The following NFAM1 variants were observed in gnomAD, a reference collection of about 807,000 sequenced individuals.
NFAM1 encodes NFAT activating protein with ITAM motif 1.
In NFAM1, 17 loss-of-function variants were observed where a neutral mutation model predicts 29.0. The ratio of observed to expected loss-of-function variants is 0.59; its 90% confidence interval spans 0.40 to 0.88. The LOEUF (loss-of-function observed/expected upper bound fraction) is 0.88, where lower values mean the gene tolerates loss of function less well. NFAM1 is among the 40% of genes least tolerant of loss of function. NFAM1 has a pLI of 0.00. For missense variants in NFAM1, 324 were observed against 344.6 expected (o/e 0.94, Z 0.47); for synonymous variants, 175 against 147.2 (o/e 1.19, Z -1.36).
At chr22:42,428,201 C>T (rs903286865) in intron 1 of NFAM1, among the ~76,000 whole-genome samples, 1 of 152,178 alleles carries the variant, frequency 6.6e-6, no homozygotes, top group Non-Finnish European at 1.5e-5. Flanking sequence ...CTGGCCCTGC[C>T]TTTTGGGCTC....
upstream of NFAM1, among the ~76,000 whole-genome samples, chr22:42,434,592 C>A (rs922341803): frequency 6.6e-6 from 1 of 152,188 alleles, no homozygotes; most frequent in African/African-American, 2.4e-5. Context: ...TGATCCTCCT[C>A]GGGAGCCAGG....
chr22:42,416,412 G>A (rs147332230), intron 1 of NFAM1, among the ~76,000 whole-genome samples: 10 of 152,332 alleles, frequency 6.6e-5, no homozygotes, highest in African/African-American at 2.2e-4. Context: ...TGAGGAAGAA[G>A]AGCCAGCACC....
In NFAM1 at chr22:42,419,052, G is replaced by A; in HGVS notation, c.122-7316C>T. 6.6e-6 allele frequency among the ~76,000 whole-genome samples: 1 copy of A among 152,188 alleles called. No individual in the cohort carries two copies. Among genetic ancestry groups the A allele is most frequent in the Non-Finnish European group, 1.5e-5 (1 of 68,034 alleles). On this transcript the variant is annotated intron_variant, in intron 1 of 5. Transcript: ENST00000329021. The surrounding 1 kb of genome is among the most constrained non-coding windows in gnomAD (Gnocchi z 4.5). Reference sequence around the variant, plus strand: ...GGCTGCTTGAACTTGGAGTTTGAGAGCTGGGCGGAGTTGCTATCCTCCCAC... The same window carrying A: ...GGCTGCTTGAACTTGGAGTTTGAGAACTGGGCGGAGTTGCTATCCTCCCAC...
At chr22:42,424,848 A>G (rs992058515) in intron 1 of NFAM1, among the ~76,000 whole-genome samples, 8 of 151,912 alleles carry the variant, frequency 5.3e-5, no homozygotes, top group African/African-American at 1.7e-4. Flanking sequence ...TGACATGATC[A>G]TCTTCCTTCC....
intron 4 of NFAM1, among the ~76,000 whole-genome samples, chr22:42,394,911 A>T (rs1385017800): frequency 6.6e-5 from 10 of 152,036 alleles, no homozygotes; most frequent in Admixed American, 6.6e-4. Context: ...TGAGCCCAGG[A>T]ACTCAAAACC....
intron 4 of NFAM1, among the ~76,000 whole-genome samples, chr22:42,395,894 A>G (rs1929507538): frequency 1.3e-5 from 2 of 149,226 alleles, no homozygotes; most frequent in East Asian, 1.9e-4. Flanking sequence ...AAAAAAAAAA[A>G]AAAGAAAGAA....
chr22:42,407,718 A>G (rs954283066), intron 3 of NFAM1, among the ~76,000 whole-genome samples: 2 of 152,168 alleles, frequency 1.3e-5, no homozygotes, highest in Middle Eastern at 3.4e-3. Context: ...CCTTCCAAGT[A>G]GCCCAGGACC....
rs181882582 is a variant in NFAM1 at position 42,395,743 on chromosome 22, C to T, written c.663+2115G>A. On this transcript the variant is annotated intron_variant, in intron 4 of 5. Coordinates refer to ENST00000329021, the MANE Select transcript of NFAM1 (RefSeq NM_145912.8). The stretch of plus-strand genomic sequence containing the variant: ...TAAAAATACAAAAAAATTAGCCGGG[C>T]GCAGTGGCGGGCACCTGTAGTCCCA... Among the ~76,000 whole-genome samples the T allele has an allele frequency of 2.6e-4, 40 of 151,180 alleles. No individual in the cohort carries two copies. The South Asian group carries it at 7.5e-3, about 28-fold the overall frequency.
rs1176729792 is a variant in NFAM1, at chr22:42,388,532, T to C, written c.664-1454A>G. On this transcript the variant is annotated intron_variant, in intron 4 of 5. Transcript: ENST00000329021. This position sits in a 1 kb window ranked among gnomAD's most constrained non-coding sequence, Gnocchi z 4.1. ...CTTTCCTTCCTGAGTGTACGTGTCATATGGATGCCGGCTGGTTGCCAAGGA... is the reference window on the plus strand; with the variant it reads ...CTTTCCTTCCTGAGTGTACGTGTCACATGGATGCCGGCTGGTTGCCAAGGA... Among the ~76,000 whole-genome samples, 6 of 151,962 alleles carry C rather than the reference T, an allele frequency of 3.9e-5. No individual in the cohort carries two copies. The highest frequency in any genetic ancestry group is 3.9e-4 in the Admixed American group (6 of 15,266).
chr22:42,437,907 TA>T, the NFAM1 span: 81 of 152,490 alleles, frequency 5.3e-4, 1 homozygote, highest in African/African-American at 1.8e-3. Flanking sequence ...CTTGCCTCTT[TA>T]AATCCCTTCC....
chr22:42,411,014 CTTTTCTTTT>C (rs1479951725), intron 2 of NFAM1, among the ~76,000 whole-genome samples: 5 of 122,096 alleles, frequency 4.1e-5, no homozygotes, highest in Admixed American at 3.2e-4. Context: ...TATTTCTTTT[CTTTTCTTTT>C]TTTTTTTTTT....
intron 4 of NFAM1, among the ~76,000 whole-genome samples, chr22:42,392,931 C>T (rs1010441824): frequency 3.3e-5 from 5 of 152,038 alleles, no homozygotes; most frequent in African/African-American, 1.2e-4. Flanking sequence ...TCCCAAGCAG[C>T]TGAGGCAACA....
At chr22:42,404,253 T>C (rs1355868878) in intron 3 of NFAM1, among the ~76,000 whole-genome samples, 1 of 152,112 alleles carries the variant, frequency 6.6e-6, no homozygotes, top group Non-Finnish European at 1.5e-5. Flanking sequence ...CTCTTTGTCC[T>C]CACTGTCCCC....
At chr22:42,420,040 TTGCTCTTG>T (rs1930395754) in intron 1 of NFAM1, among the ~76,000 whole-genome samples, 1 of 136,684 alleles carries the variant, frequency 7.3e-6, no homozygotes, top group Non-Finnish European at 1.6e-5. Context: ...AGGCAGAATT[TTGCTCTTG>T]TACCCAGGCT....
Position 42,390,804 on chromosome 22 carries a change from G to T in NFAM1, c.664-3726C>A, listed in dbSNP as rs944643182. Among the ~76,000 whole-genome samples, 6 of 125,084 alleles carry T rather than the reference G, an allele frequency of 4.8e-5. No individual in the cohort carries two copies. In the South Asian group the frequency reaches 8.3e-4, roughly 17 times the overall value. The allele number at this position is 125,084 out of a possible 152,430, so 82.1% of individuals were successfully genotyped here. A position where few individuals can be genotyped will look rare whatever the true frequency, so the allele number is the denominator to read the frequency against. On this transcript the variant is annotated intron_variant, in intron 4 of 5. Coordinates refer to ENST00000329021, the MANE Select transcript of NFAM1 (RefSeq NM_145912.8). ...TGCACTCAAGCCTGGGCAACAGAGT[G>T]AGACTCCGTCTCAAAAAAAAAAAAA...
intron 3 of NFAM1, among the ~76,000 whole-genome samples, chr22:42,402,793 C>T (rs1929766033): frequency 6.7e-6 from 1 of 149,470 alleles, no homozygotes; most frequent in Non-Finnish European, 1.5e-5. Flanking sequence ...TCCTGGTACT[C>T]AAAGCGCCTC....
At chr22:42,428,401 T>C (rs996344185) in intron 1 of NFAM1, among the ~76,000 whole-genome samples, 1 of 151,878 alleles carries the variant, frequency 6.6e-6, no homozygotes, top group Non-Finnish European at 1.5e-5. Context: ...AGGCAGGAGG[T>C]CTCAGCCGGG....
chr22:42,436,888 C>G (rs1247836738), upstream of NFAM1: 5 of 485,482 alleles, frequency 1.0e-5, no homozygotes, highest in African/African-American at 1.0e-4. Context: ...TCACCTGGTC[C>G]TTTAATCAGG....
intron 2 of NFAM1, among the ~76,000 whole-genome samples, chr22:42,411,181 G>A (rs1034428758): frequency 2.6e-5 from 4 of 151,832 alleles, no homozygotes; most frequent in Non-Finnish European, 4.4e-5. Flanking sequence ...CTGCCACCAT[G>A]CCCAGCTAAT....
Sources: allele counts gnomAD v4.1 joint callset (sites outside exome capture counted in the v4.1 genomes callset), GRCh38; gene constraint gnomAD v4.1.1; non-coding constraint Gnocchi (gnomAD v3.1); transcripts MANE v1.5; gene names NCBI Gene and HGNC (gene_info 2026-07-23, HGNC 2026-07-21).